The following INPP5D variants were observed in gnomAD, a reference collection of about 807,000 sequenced individuals.
INPP5D encodes the protein phosphatidylinositol 3,4,5-trisphosphate 5-phosphatase 1.
Under a neutral mutation model 122.9 loss-of-function variants are expected in INPP5D, and 33 were observed. The observed-to-expected ratio is 0.27, with a 90% CI of 0.20 to 0.36. The LOEUF is 0.36. Ranked by LOEUF, INPP5D falls within the 10% of genes least tolerant of loss-of-function variation. The pLI, the probability that INPP5D is intolerant of heterozygous loss-of-function variation, is 1.00. For synonymous variants in INPP5D, 584 were observed against 576.2 expected, an observed-to-expected ratio of 1.01 and a Z score of -0.19; for missense variants, 1,053 against 1,412.7, an observed-to-expected ratio of 0.75 and a Z score of 4.08.
At chr2:233,084,606 C>T (rs1328505520) in intron 2 of INPP5D, among the ~76,000 whole-genome samples, 2 of 152,184 alleles carry the variant, frequency 1.3e-5, no homozygotes, top group Non-Finnish European at 2.9e-5. Flanking sequence ...TCACAAGCAT[C>T]CGGGAGGTGA....
rs1376853494 is a variant in INPP5D at position 233,146,367 on chromosome 2, G to A, written c.835G>A (p.Val279Ile). Residue 279 changes from valine (V) to isoleucine (I), a missense_variant and splice_region_variant, in exon 8 of 27, where the codon GTC becomes ATC. Val to Ile is a conservative substitution (Grantham distance 29). Around this residue, in one of 6 missense-constraint regions of INPP5D, gnomAD observed 196 missense variants for 175.6 expected, o/e 1.12. Coordinates refer to ENST00000445964, the MANE Select transcript of INPP5D (RefSeq NM_001017915.3). ...CTGTCTCTAACGCTGCTGCCCACAG[G>A]TCAAGGCCTTGCTGCACGAGGGTCC... ...TSLLSSIEDK[V>I]KALLHEGPES... 2.8e-6 allele frequency: 2 copies of A among 704,180 alleles called. No homozygotes were observed. Among genetic ancestry groups the A allele is most frequent in the Non-Finnish European group, 5.2e-6 (2 of 385,030 alleles). The allele number at this position is 704,180 out of a possible 1,614,324, so 43.6% of individuals were successfully genotyped here.
intron 1 of INPP5D, among the ~76,000 whole-genome samples, chr2:233,073,738 C>T (rs1439621707): frequency 6.6e-6 from 1 of 151,234 alleles, no homozygotes; most frequent in Admixed American, 6.6e-5. Flanking sequence ...CTTCTTCCCT[C>T]TCTTTTTTAA....
chr2:233,107,044 G>C (rs1397373434), intron 2 of INPP5D, among the ~76,000 whole-genome samples: 2 of 152,200 alleles, frequency 1.3e-5, no homozygotes, highest in Non-Finnish European at 2.9e-5. Flanking sequence ...ACAGATACTA[G>C]GGAGTGAATG....
intron 10 of INPP5D, among the ~76,000 whole-genome samples, chr2:233,158,965 A>G (rs1694128780): frequency 6.6e-6 from 1 of 152,096 alleles, no homozygotes; most frequent in Non-Finnish European, 1.5e-5. Context: ...TATATTTTGT[A>G]GAGACAGAGT....
chr2:233,166,898 C>G (rs1328966661), intron 13 of INPP5D, among the ~76,000 whole-genome samples: 1 of 151,838 alleles, frequency 6.6e-6, no homozygotes, highest in Non-Finnish European at 1.5e-5. Context: ...GCAGGAGAAT[C>G]GCTTGAACCC....
At chr2:233,199,428 C>G (rs1695273270) in intron 25 of INPP5D, among the ~76,000 whole-genome samples, 1 of 147,468 alleles carries the variant, frequency 6.8e-6, no homozygotes, top group South Asian at 2.2e-4. Context: ...CCCAGCTACT[C>G]AAGAGGCTGA....
chr2:233,201,579 G>A (rs1189284725), intron 25 of INPP5D, among the ~76,000 whole-genome samples: 2 of 152,244 alleles, frequency 1.3e-5, no homozygotes, highest in Non-Finnish European at 2.9e-5. Context: ...GGAAGGGGGT[G>A]TTCCAAGCAC....
At position 233,100,568 on chromosome 2, in the gene INPP5D, C is replaced by T. The variant is rs527763832; in HGVS notation, c.198+21170C>T. On this transcript the variant is annotated intron_variant, in intron 2 of 26. Transcript: ENST00000445964. The surrounding 1 kb of genome is among the most constrained non-coding windows in gnomAD (Gnocchi z 5.3). ...TCCTGGCTCTCTCCTCTCAGCATCCCCCATGGACTCATGGGCACCCCCGGT... is the reference window on the plus strand; with the variant it reads ...TCCTGGCTCTCTCCTCTCAGCATCCTCCATGGACTCATGGGCACCCCCGGT... Among the ~76,000 whole-genome samples, 37 of 152,340 alleles carry T rather than the reference C, an allele frequency of 2.4e-4. No homozygotes were observed. In the South Asian group the frequency reaches 7.5e-3, roughly 31 times the overall value.
rs537202502 is a variant in INPP5D, at chr2:233,090,679, C to T, written c.198+11281C>T. On this transcript the variant is annotated intron_variant, in intron 2 of 26. Transcript: ENST00000445964. ...AAGCAGATTCAAAGTCACTTGGGGT[C>T]GGGCACGGTGGCTCATGCCTGTAAT... is the stretch of plus-strand genomic sequence containing the variant. 2.2e-4 allele frequency among the ~76,000 whole-genome samples: 33 copies of T among 152,228 alleles called. 1 individual carries two copies. Among genetic ancestry groups the T allele is most frequent in the African/African-American group, 7.0e-4 (29 of 41,552 alleles).
At position 233,122,274 on chromosome 2, in the gene INPP5D, A is replaced by ACAGGTAG. The variant is rs1168207170; in HGVS notation, c.349+17_349+18insCAGGTAG. On this transcript the variant is annotated intron_variant, in intron 3 of 26. Transcript: ENST00000445964. ...AGGACACAGGTAGGGAGGGAGGGACAGGACGGCAGGAGGTACTTTTGGGAA... is the reference window on the plus strand; with the variant it reads ...AGGACACAGGTAGGGAGGGAGGGACACAGGTAGGGACGGCAGGAGGTACTTTTGGGAA... The ACAGGTAG allele has an allele frequency of 6.2e-7, 1 of 1,609,990 alleles. No individual in the cohort carries two copies. The highest frequency in any genetic ancestry group is 1.1e-5 in the South Asian group (1 of 90,882).
rs1038161836 is a variant in INPP5D, at chr2:233,175,293, T to C, written c.1990-1972T>C. ...ATCTTCAAAACTGAAAACAACCCTA[T>C]GTCCATTAACAGTAGAGTAGATAAA... is the stretch of plus-strand genomic sequence containing the variant. On this transcript the variant is annotated intron_variant, in intron 17 of 26. Coordinates refer to ENST00000445964, the MANE Select transcript of INPP5D (RefSeq NM_001017915.3). Among the ~76,000 whole-genome samples the C allele has an allele frequency of 3.5e-4, 53 of 151,408 alleles. 1 individual carries two copies. Among genetic ancestry groups the C allele is most frequent in the African/African-American group, 1.2e-3 (50 of 41,256 alleles).
At chr2:233,145,701 G>T (rs1208649823) in intron 6 of INPP5D, among the ~76,000 whole-genome samples, 1 of 152,016 alleles carries the variant, frequency 6.6e-6, no homozygotes, top group African/African-American at 2.4e-5. Context: ...CGGGTGAGGT[G>T]GGGGGCTGCA....
rs150729720 is a variant in INPP5D at position 233,127,247 on chromosome 2, C to T, written c.524+1328C>T. ...GGGCAGAGAGCCCTGCTTTTTCTAT[C>T]TTTGCTTATCATGTCAGTGGAACCT... On this transcript the variant is annotated intron_variant, in intron 4 of 26. Coordinates refer to ENST00000445964, the MANE Select transcript of INPP5D (RefSeq NM_001017915.3). Among the ~76,000 whole-genome samples, 836 of 152,304 alleles carry T rather than the reference C, an allele frequency of 5.5e-3. 11 individuals carry two copies. The highest frequency in any genetic ancestry group is 0.019 in the African/African-American group (800 of 41,568).
chr2:233,160,552 A>C lies in INPP5D; in HGVS notation c.1138-1172A>C, dbSNP rs528285618. Among the ~76,000 whole-genome samples the C allele has an allele frequency of 6.5e-4, 99 of 152,356 alleles. No homozygotes were observed. Among genetic ancestry groups the C allele is most frequent in the Non-Finnish European group, 1.3e-3 (90 of 68,024 alleles). ...TTTAAAATAAAAACACTCGTATACC[A>C]TGAGTTAATCTGGGACTATGCCCCT... is the stretch of plus-strand genomic sequence containing the variant. On this transcript the variant is annotated intron_variant, in intron 10 of 26. Transcript: ENST00000445964. This position sits in a 1 kb window ranked among gnomAD's most constrained non-coding sequence, Gnocchi z 4.2.
intron 21 of INPP5D, 82 bp downstream of exon 21, chr2:233,186,007 C>G (rs1694904077): frequency 7.2e-7 from 1 of 1,379,438 alleles, no homozygotes; most frequent in Non-Finnish European, 9.5e-7. Context: ...GAGCTATGGC[C>G]AGGCCTGACC....
intron 13 of INPP5D, among the ~76,000 whole-genome samples, chr2:233,165,709 T>C (rs1694316255): frequency 6.6e-6 from 1 of 152,026 alleles, no homozygotes; most frequent in Admixed American, 6.6e-5. Context: ...CATGTATGAG[T>C]GTACCACCCC....
chr2:233,068,549 C>A lies in INPP5D; in HGVS notation c.134+7937C>A, dbSNP rs544224282. On this transcript the variant is annotated intron_variant, in intron 1 of 26. Transcript: ENST00000445964. ...GGTGGAGGTTGCAGTGAGCCGAGAT[C>A]GTGCCATTGCACTCCAGCCTGGGCG... is the stretch of plus-strand genomic sequence containing the variant. Among the ~76,000 whole-genome samples, 82 of 151,318 alleles carry A rather than the reference C, an allele frequency of 5.4e-4. 1 individual carries two copies. Among genetic ancestry groups the A allele is most frequent in the African/African-American group, 1.8e-3 (76 of 41,178 alleles).
rs145004143 is a variant in INPP5D, at chr2:233,068,590, G to A, written c.134+7978G>A. ...AGCCTGGGCGACAGAGCTAGAATCC[G>A]TCTAAAAAAAAAAATCGTGCTGGCA... On this transcript the variant is annotated intron_variant, in intron 1 of 26. Coordinates refer to ENST00000445964, the MANE Select transcript of INPP5D (RefSeq NM_001017915.3). Among the ~76,000 whole-genome samples the A allele has an allele frequency of 2.4e-3, 360 of 150,576 alleles. 3 individuals carry two copies. The highest frequency in any genetic ancestry group is 0.019 in the East Asian group (97 of 5,170).
chr2:233,201,004 A>G (rs1272525275), intron 25 of INPP5D, among the ~76,000 whole-genome samples: 1 of 149,704 alleles, frequency 6.7e-6, no homozygotes, highest in African/African-American at 2.5e-5. Context: ...AAATAAATAA[A>G]TAAATAGATG....
Sources: gnomAD v4.1 joint callset for allele counts (sites outside exome capture counted in the v4.1 genomes callset) on GRCh38, gnomAD v4.1.1 for gene constraint, gnomAD v4.1.1 regional missense constraint, Gnocchi (gnomAD v3.1) non-coding constraint, MANE v1.5 for transcripts, NCBI Gene and HGNC (gene_info 2026-07-23, HGNC 2026-07-21) for gene names.